ARNT: variants seen among roughly 807,000 people sequenced by gnomAD.
ARNT encodes class E basic helix-loop-helix protein 2.
In ARNT, 30 loss-of-function variants were observed where a neutral mutation model predicts 105.0. The ratio of observed to expected loss-of-function variants is 0.29; its 90% CI spans 0.21 to 0.39. ARNT has a LOEUF of 0.39. Ranked by LOEUF, ARNT falls within the 10% of genes least tolerant of loss-of-function variation. The pLI is 1.00. For missense variants in ARNT, 748 were observed against 978.7 expected (o/e 0.76, Z 3.15); for synonymous variants, 304 against 344.0 (o/e 0.88, Z 1.29).
rs1158706224 is a variant in ARNT at position 150,813,965 on chromosome 1, T to A, written c.2113+112A>T. The A allele has an allele frequency of 2.0e-5, 27 of 1,362,414 alleles. No individual in the cohort carries two copies. In the East Asian group the frequency reaches 6.0e-4, roughly 30 times the overall value. The allele number at this position is 1,362,414 out of a possible 1,614,324, so 84.4% of individuals were successfully genotyped here. A position where few individuals can be genotyped will look rare whatever the true frequency, so the allele number is the denominator to read the frequency against. On this transcript the variant is annotated intron_variant, in intron 20 of 21. Coordinates refer to ENST00000358595, the MANE Select transcript of ARNT (RefSeq NM_001668.4). The stretch of plus-strand genomic sequence containing the variant: ...TCTAAATAGATTGTCACCTTGCATT[T>A]CCCTACAATCAGGTCAGTGTACCCA...
At position 150,810,016 on chromosome 1, in the gene ARNT, C is replaced by T. The variant is rs756267241; in HGVS notation, c.*2005G>A. The T allele has an allele frequency of 3.2e-4, 73 of 228,436 alleles. No individual in the cohort carries two copies. Among genetic ancestry groups the T allele is most frequent in the Non-Finnish European group, 5.7e-4 (65 of 114,744 alleles). The allele number at this position is 228,436 out of a possible 1,614,324, so 14.2% of individuals were successfully genotyped here. A position where few individuals can be genotyped will look rare whatever the true frequency, so the allele number is the denominator to read the frequency against. On this transcript the variant is annotated 3_prime_UTR_variant, in exon 22 of 22. Transcript: ENST00000358595. Reference sequence around the variant, plus strand: ...TGTCTGGAGCTTAAACTATAGATTCCTCTGGTTGTGGGTGCCTGTTGTTTA... The same window carrying T: ...TGTCTGGAGCTTAAACTATAGATTCTTCTGGTTGTGGGTGCCTGTTGTTTA...
chr1:150,826,480 G>A, intron 13 of ARNT, 63 bp downstream of exon 13: 2 of 1,322,348 alleles, frequency 1.5e-6, no homozygotes, highest in South Asian at 1.2e-5. Flanking sequence ...TTAATCAGTA[G>A]TCAATATTTA....
chr1:150,872,951 G>A (rs1667684164), intron 1 of ARNT, among the ~76,000 whole-genome samples: 1 of 152,004 alleles, frequency 6.6e-6, no homozygotes, highest in Non-Finnish European at 1.5e-5. Flanking sequence ...GACAGAGCAA[G>A]ACCCTCTCCT....
chr1:150,812,356 AG>A (rs1654903818), intron 21 of ARNT, among the ~76,000 whole-genome samples: 1 of 151,988 alleles, frequency 6.6e-6, no homozygotes, highest in Non-Finnish European at 1.5e-5. Flanking sequence ...TTTCAAAGGG[AG>A]AAAAATCTGC....
At chr1:150,823,849 C>CTT (rs1243886298) in intron 13 of ARNT, among the ~76,000 whole-genome samples, 1 of 122,940 alleles carries the variant, frequency 8.1e-6, no homozygotes, top group Non-Finnish European at 1.7e-5. Flanking sequence ...CGTGCCCAGA[C>CTT]TTTTTTTTTT....
chr1:150,862,601 T>C (rs1441695511), intron 1 of ARNT, among the ~76,000 whole-genome samples: 1 of 150,074 alleles, frequency 6.7e-6, no homozygotes, highest in Non-Finnish European at 1.5e-5. Flanking sequence ...CAGGGCCAAG[T>C]GCAGTGGCTC....
Position 150,839,627 on chromosome 1 carries a change from C to T in ARNT, c.300G>A (p.Arg100=). The T allele has an allele frequency of 1.2e-6, 2 of 1,614,042 alleles. No individual in the cohort carries two copies. The highest frequency in any genetic ancestry group is 1.7e-6 in the Non-Finnish European group (2 of 1,179,988). The change falls in exon 6 of 22, where the codon CGG becomes CGA. Residue 100 remains arginine (R), a synonymous_variant. Coordinates refer to ENST00000358595, the MANE Select transcript of ARNT (RefSeq NM_001668.4). ...TGTAGGCTGTCATCTTGTTCCGTCG[C>T]CGCCGTTCAATTTCACTGTGATTTT... ...ARENHSEIER[R]RRNKMTAYIT...
chr1:150,858,425 T>C lies in ARNT; in HGVS notation c.61A>G (p.Ile21Val). ...TSDVPSLGPA[I>V]ASGNSGPGIQ... ...CCAGGTCCAGAGTTTCCAGAGGCAA[T>C]GGCTGGACCCAGTGATGGTACATCT... The change falls in exon 2 of 22, where the codon ATT (isoleucine) becomes GTT (valine). Residue 21 changes from isoleucine (I) to valine (V), a missense_variant. By Grantham distance (29) the Ile-to-Val change is conservative. This residue lies in a region of ARNT where 93 missense variants were observed against 101.6 expected (regional missense o/e 0.92). Transcript: ENST00000358595. 1.2e-6 allele frequency: 2 copies of C among 1,609,752 alleles called. No individual in the cohort carries two copies. Among genetic ancestry groups the C allele is most frequent in the Non-Finnish European group, 1.7e-6 (2 of 1,177,828 alleles).
intron 3 of ARNT, among the ~76,000 whole-genome samples, chr1:150,850,935 C>T (rs1663287488): frequency 6.6e-6 from 1 of 151,674 alleles, no homozygotes; most frequent in Non-Finnish European, 1.5e-5. Context: ...CCGGCCACGA[C>T]CCCGTCTGGG....
rs1157978513 is a variant in ARNT at position 150,864,789 on chromosome 1, TAAATA to T, written c.26-6334_26-6330del. Among the ~76,000 whole-genome samples, 3 of 113,232 alleles carry T rather than the reference TAAATA, an allele frequency of 2.6e-5. No individual in the cohort carries two copies. The Admixed American group carries it at 2.8e-4, about 11-fold the overall frequency. 74.3% of individuals were successfully genotyped at this position (113,232 alleles called of 152,430 possible). On this transcript the variant is annotated intron_variant, in intron 1 of 21. Coordinates refer to ENST00000358595, the MANE Select transcript of ARNT (RefSeq NM_001668.4). ...AAAAATAAATAAATAAATAAATAAA[TAAATA>T]AAAGAAATATGATAAACATATAAAT...
intron 1 of ARNT, among the ~76,000 whole-genome samples, chr1:150,861,593 T>C (rs1039924893): frequency 1.3e-5 from 2 of 152,170 alleles, no homozygotes; most frequent in Non-Finnish European, 2.9e-5. Flanking sequence ...GAGGATCATT[T>C]GAGTCCAGAA....
chr1:150,862,469 C>T (rs1665802711), intron 1 of ARNT, among the ~76,000 whole-genome samples: 1 of 151,930 alleles, frequency 6.6e-6, no homozygotes, highest in South Asian at 2.1e-4. Context: ...GTTTAACATA[C>T]ATTAAGGCTG....
At chr1:150,859,797 C>T (rs1327554099) in intron 1 of ARNT, among the ~76,000 whole-genome samples, 1 of 152,068 alleles carries the variant, frequency 6.6e-6, no homozygotes, top group Non-Finnish European at 1.5e-5. Flanking sequence ...ATCACTTGAG[C>T]CCAGGAGTTC....
chr1:150,846,258 A>C lies in ARNT; in HGVS notation c.227+5T>G. The C allele has an allele frequency of 3.1e-6, 5 of 1,609,414 alleles. No homozygotes were observed. Among genetic ancestry groups the C allele is most frequent in the Non-Finnish European group, 4.3e-6 (5 of 1,175,826 alleles). ...ATTACAATATATTACCTACTACAATATTACCTGGCAAACCGCTCCTTATCG... is the reference window on the plus strand; with the variant it reads ...ATTACAATATATTACCTACTACAATCTTACCTGGCAAACCGCTCCTTATCG... On this transcript the variant is annotated splice_donor_5th_base_variant and intron_variant, in intron 4 of 21. Coordinates refer to ENST00000358595, the MANE Select transcript of ARNT (RefSeq NM_001668.4).
intron 3 of ARNT, among the ~76,000 whole-genome samples, chr1:150,850,775 G>T (rs1663235804): frequency 6.6e-6 from 1 of 151,908 alleles, no homozygotes; most frequent in Non-Finnish European, 1.5e-5. Context: ...CCTCTGCCCG[G>T]CTGCCCAGTC....
chr1:150,830,189 T>C (rs1659110876), intron 10 of ARNT: 1 of 487,002 alleles, frequency 2.1e-6, no homozygotes, highest in Non-Finnish European at 3.7e-6. Flanking sequence ...CTACTAAAAA[T>C]ACAAAAATTA....
intron 13 of ARNT, among the ~76,000 whole-genome samples, chr1:150,824,796 ATAAAAT>A (rs1449050692): frequency 6.6e-6 from 1 of 152,022 alleles, no homozygotes; most frequent in African/African-American, 2.4e-5. Context: ...GTTTCCATAA[ATAAAAT>A]TAAGTTGGCT....
At chr1:150,864,824 T>C (rs969077304) in intron 1 of ARNT, among the ~76,000 whole-genome samples, 15 of 140,284 alleles carry the variant, frequency 1.1e-4, no homozygotes, top group African/African-American at 2.6e-4. Flanking sequence ...ATAAATAATA[T>C]GTGGTGGAAT....
chr1:150,825,845 TA>T (rs138981555), intron 13 of ARNT, among the ~76,000 whole-genome samples: 49,700 of 139,464 alleles, frequency 0.36, 8,686 homozygotes, highest in South Asian at 0.55. Flanking sequence ...AGACTCCTTC[TA>T]AAAAAAAAAA....
Sources: allele counts gnomAD v4.1 joint callset (sites outside exome capture counted in the v4.1 genomes callset), GRCh38; gene constraint gnomAD v4.1.1; regional missense constraint gnomAD v4.1.1; transcripts MANE v1.5; gene names NCBI Gene and HGNC (gene_info 2026-07-23, HGNC 2026-07-21).